Variants in GLIS1 observed in about 807,000 individuals in gnomAD.
The protein encoded by GLIS1 is GLIS family zinc finger 1, also known as zinc finger protein GLIS1.
A neutral mutation model predicts 63.8 loss-of-function variants in GLIS1; 24 were observed. That is an observed-to-expected ratio of 0.38 (90% CI 0.27 to 0.53). GLIS1 has a LOEUF of 0.53. Among genes scored for constraint, GLIS1 ranks in the 20% least tolerant of loss-of-function variants. The pLI is 0.85. For synonymous variants in GLIS1, 450 were observed against 482.5 expected, an observed-to-expected ratio of 0.93 and a Z score of 0.88; for missense variants, 1,036 against 1,074.1, an observed-to-expected ratio of 0.96 and a Z score of 0.50.
chr1:53,516,744 C>T (rs115381862), intron 7 of GLIS1, among the ~76,000 whole-genome samples: 12 of 151,554 alleles, frequency 7.9e-5, no homozygotes, highest in Non-Finnish European at 1.6e-4. Flanking sequence ...ACCCGAAACG[C>T]GGAGGTTGCA....
chr1:53,512,760 C>T lies in GLIS1; in HGVS notation c.1883+1865G>A, dbSNP rs140377302. On this transcript the variant is annotated intron_variant, in intron 8 of 10. Coordinates refer to ENST00000628545, the MANE Select transcript of GLIS1 (RefSeq NM_001367484.1). Reference sequence around the variant, plus strand: ...AATTCTTGACGGGCACTTATGCAGGCGGCAGGCAGGTGATGAATGAGGCGG... The same window carrying T: ...AATTCTTGACGGGCACTTATGCAGGTGGCAGGCAGGTGATGAATGAGGCGG... Among the ~76,000 whole-genome samples, 1,288 of 152,192 alleles carry T rather than the reference C, an allele frequency of 8.5e-3. 12 individuals carry two copies. Among genetic ancestry groups the T allele is most frequent in the Non-Finnish European group, 0.011 (751 of 68,004 alleles).
At chr1:53,513,332 C>T (rs1219392965) in intron 8 of GLIS1, among the ~76,000 whole-genome samples, 17 of 152,182 alleles carry the variant, frequency 1.1e-4, no homozygotes. Context: ...GCGTCCTCAT[C>T]CCCAAACCTG....
In GLIS1 at chr1:53,600,919, T is replaced by C. The variant is rs535732734; in HGVS notation, c.260-641A>G. Among the ~76,000 whole-genome samples, 8 of 152,344 alleles carry C rather than the reference T, an allele frequency of 5.3e-5. No individual in the cohort carries two copies. In the East Asian group the frequency reaches 1.3e-3, roughly 26 times the overall value. On this transcript the variant is annotated intron_variant, in intron 2 of 10. Transcript: ENST00000628545. ...CCCTGCCTCGCCCTGCTAGTGGGTT[T>C]CTAGGAAGATTAGCTGAAGCAGTTG...
At chr1:53,531,615 G>A (rs1426272980) in intron 4 of GLIS1, among the ~76,000 whole-genome samples, 3 of 152,198 alleles carry the variant, frequency 2.0e-5, no homozygotes, top group Non-Finnish European at 4.4e-5. Context: ...ACTCAGACAT[G>A]GGTCCTGCCC....
intron 2 of GLIS1, among the ~76,000 whole-genome samples, chr1:53,663,709 T>A (rs17109072): frequency 0.016 from 2,385 of 152,248 alleles, 46 homozygotes; most frequent in African/African-American, 0.053. Context: ...ACTCTGGCAC[T>A]TCACTGGAGC....
intron 2 of GLIS1, among the ~76,000 whole-genome samples, chr1:53,660,783 T>C (rs748333299): frequency 1.1e-4 from 17 of 152,120 alleles, no homozygotes; most frequent in African/African-American, 3.4e-4. Context: ...CTCAGGTTTA[T>C]GGGAGTGTGT....
At chr1:53,722,367 C>T (rs904041384) in intron 2 of GLIS1, among the ~76,000 whole-genome samples, 15 of 152,144 alleles carry the variant, frequency 9.9e-5, no homozygotes, top group African/African-American at 3.6e-4. Context: ...AAATTCTGAA[C>T]TATTATGCAC....
intron 2 of GLIS1, among the ~76,000 whole-genome samples, chr1:53,722,666 C>A (rs112347611): frequency 0.02 from 3,085 of 151,954 alleles, 100 homozygotes; most frequent in African/African-American, 0.07. Flanking sequence ...CATGGTAAAA[C>A]CCTGTCTCTA....
chr1:53,618,346 A>G (rs1487627813), intron 2 of GLIS1, among the ~76,000 whole-genome samples: 1 of 152,230 alleles, frequency 6.6e-6, no homozygotes. Context: ...AGACTGCTAG[A>G]AAGATGAGAG....
intron 2 of GLIS1, among the ~76,000 whole-genome samples, chr1:53,695,450 T>C (rs1205898594): frequency 6.6e-6 from 1 of 152,220 alleles, no homozygotes; most frequent in Non-Finnish European, 1.5e-5. Context: ...GACAGGGCAC[T>C]ACGGCAGCGA....
intron 2 of GLIS1, among the ~76,000 whole-genome samples, chr1:53,717,229 G>A (rs1646708861): frequency 6.6e-6 from 1 of 152,146 alleles, no homozygotes; most frequent in Non-Finnish European, 1.5e-5. Flanking sequence ...AATAAAATGG[G>A]CATAATAATA....
chr1:53,608,217 C>G (rs1050205952), intron 2 of GLIS1, among the ~76,000 whole-genome samples: 4 of 152,210 alleles, frequency 2.6e-5, no homozygotes, highest in South Asian at 2.1e-4. Context: ...TCTGCCTTGG[C>G]CTCCCAAAGT....
chr1:53,687,664 C>T (rs571492518), intron 2 of GLIS1, among the ~76,000 whole-genome samples: 3 of 152,294 alleles, frequency 2.0e-5, no homozygotes, highest in Non-Finnish European at 4.4e-5. Context: ...TCAGAGCCCC[C>T]GCCGCCCACC....
At chr1:53,731,541 G>T (rs192530498) in intron 2 of GLIS1, among the ~76,000 whole-genome samples, 41 of 152,282 alleles carry the variant, frequency 2.7e-4, no homozygotes, top group Admixed American at 6.5e-4. Context: ...GAAAGTACTG[G>T]CTCTGCTGTC....
chr1:53,573,416 C>T (rs995656050), intron 4 of GLIS1, among the ~76,000 whole-genome samples: 18 of 152,148 alleles, frequency 1.2e-4, no homozygotes, highest in Non-Finnish European at 5.9e-5. Flanking sequence ...TCCAGCCCAC[C>T]CTTCTTGGTG....
At chr1:53,665,624 G>T (rs530698409) in intron 2 of GLIS1, among the ~76,000 whole-genome samples, 4 of 152,156 alleles carry the variant, frequency 2.6e-5, no homozygotes, top group African/African-American at 9.7e-5. Flanking sequence ...ACTCCAGCCT[G>T]GGCAGCATAG....
At position 53,506,603 on chromosome 1, in the gene GLIS1, G is replaced by T. The variant is rs751752843; in HGVS notation, c.*16C>A. ...CATCTGCAGTGCTGGATGGGCAGGCGCATGTGGGGGCTCCTTCAGGTGTCT... is the reference window on the plus strand; with the variant it reads ...CATCTGCAGTGCTGGATGGGCAGGCTCATGTGGGGGCTCCTTCAGGTGTCT... On this transcript the variant is annotated 3_prime_UTR_variant, in exon 11 of 11. Coordinates refer to ENST00000628545, the MANE Select transcript of GLIS1 (RefSeq NM_001367484.1). 3.7e-6 allele frequency: 6 copies of T among 1,612,400 alleles called. No homozygotes were observed. Among genetic ancestry groups the T allele is most frequent in the Admixed American group, 1.7e-5 (1 of 59,992 alleles).
chr1:53,637,222 G>A (rs1001612303), intron 2 of GLIS1, among the ~76,000 whole-genome samples: 2 of 108,444 alleles, frequency 1.8e-5, no homozygotes. Context: ...CCCCACAGGG[G>A]TCTGTGGGGC....
At chr1:53,650,845 C>A (rs1156421419) in intron 2 of GLIS1, among the ~76,000 whole-genome samples, 1 of 152,222 alleles carries the variant, frequency 6.6e-6, no homozygotes, top group Non-Finnish European at 1.5e-5. Context: ...CAGGCTTACA[C>A]CTAGTTTTGG....
Sources: gnomAD v4.1 joint callset for allele counts (sites outside exome capture counted in the v4.1 genomes callset) on GRCh38, gnomAD v4.1.1 for gene constraint, MANE v1.5 for transcripts, NCBI Gene and HGNC (gene_info 2026-07-23, HGNC 2026-07-21) for gene names.